The following RPL28 variants were observed in gnomAD, a reference collection of about 807,000 sequenced individuals.
RPL28 encodes ribosomal protein L28, also known as large ribosomal subunit protein eL28.
A neutral mutation model predicts 12.5 loss-of-function variants in RPL28; 4 were observed. The observed-to-expected ratio is 0.32, with a 90% CI of 0.16 to 0.73. The LOEUF (loss-of-function observed/expected upper bound fraction) is 0.73, where lower values mean the gene tolerates loss of function less well. Ranked by LOEUF, RPL28 falls within the 30% of genes least tolerant of loss-of-function variation. RPL28 has a pLI of 0.66. For missense variants in RPL28, 214 were observed against 197.7 expected (o/e 1.08, Z -0.49); for synonymous variants, 91 against 72.5 (o/e 1.26, Z -1.30).
Position 55,390,771 on chromosome 19 carries a change from G to A in RPL28, c.*2439G>A, listed in dbSNP as rs2089982687. On this transcript the variant is annotated 3_prime_UTR_variant, in exon 5 of 5. Transcript: ENST00000344063. ...ATGCTATCGGTGGGTTGGGGTGGAG[G>A]AACCAGGAGAGGGCTGGAGGGAGGG... The A allele has an allele frequency of 4.1e-6, 4 of 985,498 alleles. No homozygotes were observed. Among genetic ancestry groups the A allele is most frequent in the Non-Finnish European group, 4.8e-6 (4 of 829,962 alleles). 61.0% of individuals were successfully genotyped at this position (985,498 alleles called of 1,614,324 possible). A position where few individuals can be genotyped will look rare whatever the true frequency, so the allele number is the denominator to read the frequency against.
In RPL28 at chr19:55,390,592, C is replaced by A; in HGVS notation, c.*2260C>A. ...CTCTAGGCCCCACCCCCTGTGGAGT[C>A]CTGCTGGCTTTCTCCATCCCTATCT... On this transcript the variant is annotated 3_prime_UTR_variant, in exon 5 of 5. Transcript: ENST00000344063. 2.0e-6 allele frequency: 2 copies of A among 985,794 alleles called. No homozygotes were observed. Among genetic ancestry groups the A allele is most frequent in the Non-Finnish European group, 1.2e-6 (1 of 830,210 alleles). 61.1% of individuals were successfully genotyped at this position (985,794 alleles called of 1,614,324 possible). A position where few individuals can be genotyped will look rare whatever the true frequency, so the allele number is the denominator to read the frequency against.
At chr19:55,387,564 C>T in intron 3 of RPL28, 1 of 1,426,190 alleles carries the variant, frequency 7.0e-7, no homozygotes, top group Non-Finnish European at 9.1e-7. Flanking sequence ...TGAACCACTG[C>T]TGTGGGGATG....
chr19:55,389,413 C>T lies in RPL28; in HGVS notation c.*1081C>T. The T allele has an allele frequency of 2.0e-6, 2 of 985,402 alleles. No homozygotes were observed. Among genetic ancestry groups the T allele is most frequent in the South Asian group, 4.7e-5 (1 of 21,282 alleles). 61.0% of individuals were successfully genotyped at this position (985,402 alleles called of 1,614,324 possible). A position where few individuals can be genotyped will look rare whatever the true frequency, so the allele number is the denominator to read the frequency against. ...TGATCCTCACATGTTTCCTGGGCAC[C>T]TAACTCTGTCAGCCACTGCCAGGGA... On this transcript the variant is annotated 3_prime_UTR_variant, in exon 5 of 5. Coordinates refer to ENST00000344063, the MANE Select transcript of RPL28 (RefSeq NM_000991.5).
chr19:55,397,669 C>T (rs978661185), intron 4 of RPL28, among the ~76,000 whole-genome samples: 33 of 151,988 alleles, frequency 2.2e-4, no homozygotes, highest in African/African-American at 7.5e-4. Context: ...TGAGCCACCG[C>T]GCCCGGCCAG....
intron 3 of RPL28, chr19:55,386,962 T>G: frequency 6.9e-7 from 1 of 1,449,924 alleles, no homozygotes; most frequent in Non-Finnish European, 9.0e-7. Flanking sequence ...AGGCACGGGG[T>G]TGATGTTTTC....
In RPL28 at chr19:55,388,630, G is replaced by A. The variant is rs1043803395; in HGVS notation, c.*298G>A. 15 of 1,199,334 alleles carry A rather than the reference G, an allele frequency of 1.3e-5. No individual in the cohort carries two copies. In the African/African-American group the frequency reaches 2.2e-4, roughly 18 times the overall value. 74.3% of individuals were successfully genotyped at this position (1,199,334 alleles called of 1,614,324 possible). On this transcript the variant is annotated 3_prime_UTR_variant, in exon 5 of 5. Coordinates refer to ENST00000344063, the MANE Select transcript of RPL28 (RefSeq NM_000991.5). The stretch of plus-strand genomic sequence containing the variant: ...TTGTGAGGTGGCCTGAAGAATCCCA[G>A]CTGGGGCAGTGGCTTCCATTCAGAA...
rs1209817578 is a variant in RPL28, at chr19:55,390,334, A to C, written c.*2002A>C. ...ATTCTCCTGCCTCAGCCTCCCGAGTAGCTGGGATTACAGGTGGGTGTCACC... is the reference window on the plus strand; with the variant it reads ...ATTCTCCTGCCTCAGCCTCCCGAGTCGCTGGGATTACAGGTGGGTGTCACC... On this transcript the variant is annotated 3_prime_UTR_variant, in exon 5 of 5. Transcript: ENST00000344063. The C allele has an allele frequency of 3.4e-5, 24 of 706,402 alleles. No homozygotes were observed. Among genetic ancestry groups the C allele is most frequent in the Non-Finnish European group, 4.2e-5 (24 of 575,992 alleles). The allele number at this position is 706,402 out of a possible 1,614,324, so 43.8% of individuals were successfully genotyped here.
At chr19:55,401,328 C>T (rs1245955746) in intron 4 of RPL28, 10 of 970,492 alleles carry the variant, frequency 1.0e-5, no homozygotes, top group Non-Finnish European at 1.5e-5. Flanking sequence ...GTCCCAGTGC[C>T]CCCTGTACCC....
Position 55,391,693 on chromosome 19 carries a change from G to C in RPL28, c.*3361G>C. The C allele has an allele frequency of 6.5e-7, 1 of 1,538,010 alleles. No individual in the cohort carries two copies. Among genetic ancestry groups the C allele is most frequent in the Non-Finnish European group, 8.8e-7 (1 of 1,135,414 alleles). On this transcript the variant is annotated 3_prime_UTR_variant, in exon 5 of 5. Coordinates refer to ENST00000344063, the MANE Select transcript of RPL28 (RefSeq NM_000991.5). Reference sequence around the variant, plus strand: ...AGACCCTACTACTCAGGGTTGATGAGAAGATTAAATGTGCAAAACCTGCTT... The same window carrying C: ...AGACCCTACTACTCAGGGTTGATGACAAGATTAAATGTGCAAAACCTGCTT...
At chr19:55,393,388 A>G (rs1600309879), downstream of RPL28, among the ~76,000 whole-genome samples, 1 of 151,922 alleles carries the variant, frequency 6.6e-6, no homozygotes, top group South Asian at 2.1e-4. Context: ...TGAAGCTCCT[A>G]GCTGGTCCCT....
At chr19:55,394,518 C>T (rs2090010378), downstream of RPL28, among the ~76,000 whole-genome samples, 1 of 152,066 alleles carries the variant, frequency 6.6e-6, no homozygotes, top group Non-Finnish European at 1.5e-5. Flanking sequence ...GCCTTGGCCT[C>T]TAAAAGTGCT....
chr19:55,393,046 G>A (rs2090001075), downstream of RPL28, among the ~76,000 whole-genome samples: 1 of 151,694 alleles, frequency 6.6e-6, no homozygotes, highest in Admixed American at 6.6e-5. Context: ...CCTCTCCTCT[G>A]TTCCTCTTGA....
chr19:55,390,566 C>G lies in RPL28; in HGVS notation c.*2234C>G. 1.0e-6 allele frequency: 1 copy of G among 985,674 alleles called. No individual in the cohort carries two copies. Among genetic ancestry groups the G allele is most frequent in the Non-Finnish European group, 1.2e-6 (1 of 830,106 alleles). 61.1% of individuals were successfully genotyped at this position (985,674 alleles called of 1,614,324 possible). Reference sequence around the variant, plus strand: ...TCCTTGCCTGCCCTGGAGGCTTGTGCCTCTAGGCCCCACCCCCTGTGGAGT... The same window carrying G: ...TCCTTGCCTGCCCTGGAGGCTTGTGGCTCTAGGCCCCACCCCCTGTGGAGT... On this transcript the variant is annotated 3_prime_UTR_variant, in exon 5 of 5. Transcript: ENST00000344063.
rs1378497617 is a variant in RPL28 at position 55,386,654 on chromosome 19, G to A, written c.166G>A (p.Asp56Asn). 1 of 1,614,044 alleles carries A rather than the reference G, an allele frequency of 6.2e-7. No homozygotes were observed. The highest frequency in any genetic ancestry group is 1.3e-5 in the African/African-American group (1 of 74,946). Residue 56 changes from aspartate (D) to asparagine (N), a missense_variant, in exon 3 of 5, where the codon GAC (aspartate) becomes AAC (asparagine). Physicochemically the swap from Asp to Asn is conservative, Grantham distance 23 (BLOSUM62 1). Transcript: ENST00000344063. ...RKTVGVEPAA[D>N]GKGVVVVIKR... The stretch of plus-strand genomic sequence containing the variant: ...GACTGTGGGCGTGGAGCCGGCAGCC[G>A]ACGGCAAAGGTGTCGTGGTGGTCAT...
In RPL28 at chr19:55,386,685, G is replaced by C; in HGVS notation, c.197G>C (p.Arg66Pro). The C allele has an allele frequency of 6.2e-7, 1 of 1,614,160 alleles. No homozygotes were observed. Among genetic ancestry groups the C allele is most frequent in the East Asian group, 2.2e-5 (1 of 44,880 alleles). ...AAAGGTGTCGTGGTGGTCATTAAGC[G>C]GAGATCCGGTGAGTTTTGTCTGGTT... ...DGKGVVVVIK[R>P]RSGQRKPATS... The change falls in exon 3 of 5, where the codon CGG (arginine) becomes CCG (proline). Residue 66 changes from arginine to proline, a missense_variant. Transcript: ENST00000344063.
At chr19:55,401,840 C>T (rs941924615) in intron 4 of RPL28, 21 of 1,473,778 alleles carry the variant, frequency 1.4e-5, no homozygotes, top group African/African-American at 6.9e-5. Context: ...GGGTGGCCTC[C>T]GCACTGGCTG....
chr19:55,398,995 C>G (rs914006770), intron 4 of RPL28, among the ~76,000 whole-genome samples: 1 of 151,934 alleles, frequency 6.6e-6, no homozygotes, highest in Non-Finnish European at 1.5e-5. Flanking sequence ...CCACCGTGCC[C>G]GGTTTGTTTT....
chr19:55,389,597 C>T lies in RPL28; in HGVS notation c.*1265C>T. On this transcript the variant is annotated 3_prime_UTR_variant, in exon 5 of 5. Coordinates refer to ENST00000344063, the MANE Select transcript of RPL28 (RefSeq NM_000991.5). The stretch of plus-strand genomic sequence containing the variant: ...TGCCATTGGTTGGGGTCGTACGGGG[C>T]TGGGAGCCCTGCGTTTTGAGGCAGA... 3.0e-6 allele frequency: 3 copies of T among 985,536 alleles called. No individual in the cohort carries two copies. The highest frequency in any genetic ancestry group is 3.6e-6 in the Non-Finnish European group (3 of 830,010). The allele number at this position is 985,536 out of a possible 1,614,324, so 61.0% of individuals were successfully genotyped here.
chr19:55,389,463 C>G lies in RPL28; in HGVS notation c.*1131C>G. 1 of 985,446 alleles carries G rather than the reference C, an allele frequency of 1.0e-6. No homozygotes were observed. The highest frequency in any genetic ancestry group is 1.2e-6 in the Non-Finnish European group (1 of 829,960). 61.0% of individuals were successfully genotyped at this position (985,446 alleles called of 1,614,324 possible). A position where few individuals can be genotyped will look rare whatever the true frequency, so the allele number is the denominator to read the frequency against. On this transcript the variant is annotated 3_prime_UTR_variant, in exon 5 of 5. Transcript: ENST00000344063. ...ACCAAGGATCCAGCATCCATGGCAC[C>G]CCTGGTTCCTGCCATCCTGGGGTAC...
Sources: gnomAD v4.1 joint callset for allele counts (sites outside exome capture counted in the v4.1 genomes callset) on GRCh38, gnomAD v4.1.1 for gene constraint, MANE v1.5 for transcripts, NCBI Gene and HGNC (gene_info 2026-07-23, HGNC 2026-07-21) for gene names.